Variants in THSD7B observed in about 807,000 individuals in gnomAD.
The protein encoded by THSD7B is thrombospondin type-1 domain-containing protein 7B.
THSD7B carries 138 observed loss-of-function variants against 213.6 expected under a neutral mutation model. The observed-to-expected ratio is 0.65, with a 90% CI of 0.56 to 0.74. THSD7B has a LOEUF of 0.74. Ranked by LOEUF, THSD7B falls within the 30% of genes least tolerant of loss-of-function variation. The probability of loss-of-function intolerance (pLI) is 0.00; values close to 1 mark genes in which losing one functional copy is unlikely to be tolerated. For missense variants in THSD7B, 1,931 were observed against 1,991.5 expected (o/e 0.97, Z 0.58); for synonymous variants, 742 against 687.0 (o/e 1.08, Z -1.25).
intron 2 of THSD7B, among the ~76,000 whole-genome samples, chr2:136,890,375 TC>T (rs1683806860): frequency 3.0e-4 from 1 of 3,340 alleles, no homozygotes; most frequent in African/African-American, 6.9e-4. Flanking sequence ...TTCTTCTTCT[TC>T]CTCTTCCTCT....
chr2:136,882,754 T>G (rs1683647154), intron 2 of THSD7B, among the ~76,000 whole-genome samples: 1 of 152,194 alleles, frequency 6.6e-6, no homozygotes, highest in Non-Finnish European at 1.5e-5. Flanking sequence ...TGTCTAGGTT[T>G]GAGAGCATGA....
At chr2:137,124,995 ATTT>A (rs879758282) in intron 5 of THSD7B, among the ~76,000 whole-genome samples, 3 of 152,090 alleles carry the variant, frequency 2.0e-5, no homozygotes, top group Non-Finnish European at 4.4e-5. Context: ...GACTTTAATT[ATTT>A]TTTTGACTTT....
chr2:137,198,935 T>C (rs958836067), intron 7 of THSD7B, among the ~76,000 whole-genome samples: 2 of 152,200 alleles, frequency 1.3e-5, no homozygotes, highest in African/African-American at 4.8e-5. Context: ...TTGCCAAAGA[T>C]ATTTGAGTCG....
At chr2:137,385,734 G>A (rs1448752421) in intron 12 of THSD7B, among the ~76,000 whole-genome samples, 1 of 152,172 alleles carries the variant, frequency 6.6e-6, no homozygotes, top group Non-Finnish European at 1.5e-5. Context: ...AGTGAGAAGA[G>A]AAGGAGTAAG....
intron 14 of THSD7B, among the ~76,000 whole-genome samples, chr2:137,447,236 A>C (rs1379725726): frequency 1.3e-5 from 2 of 152,112 alleles, no homozygotes; most frequent in Non-Finnish European, 2.9e-5. Flanking sequence ...CAGGCTTGCT[A>C]ATTAAAATCC....
chr2:137,583,621 T>A (rs1270304190), intron 17 of THSD7B, among the ~76,000 whole-genome samples: 1 of 152,220 alleles, frequency 6.6e-6, no homozygotes, highest in African/African-American at 2.4e-5. Flanking sequence ...TTTGTTTTTC[T>A]CAGGTTTGTC....
At chr2:137,404,568 CTA>C (rs70978216) in intron 12 of THSD7B, among the ~76,000 whole-genome samples, 2 of 144,094 alleles carry the variant, frequency 1.4e-5, no homozygotes, top group Non-Finnish European at 3.0e-5. Flanking sequence ...TATACACACA[CTA>C]TATATATACA....
intron 2 of THSD7B, among the ~76,000 whole-genome samples, chr2:136,925,547 T>C (rs1031266266): frequency 4.6e-5 from 7 of 152,214 alleles, no homozygotes; most frequent in African/African-American, 1.7e-4. Context: ...GTATAATTCT[T>C]TTAATGTGCT....
chr2:137,106,846 A>G (rs1688263013), intron 4 of THSD7B, among the ~76,000 whole-genome samples: 1 of 152,208 alleles, frequency 6.6e-6, no homozygotes, highest in Non-Finnish European at 1.5e-5. Context: ...ATGAGATACC[A>G]TCTCATACCA....
chr2:137,306,910 TAAC>T (rs1683763227), intron 12 of THSD7B, among the ~76,000 whole-genome samples: 1 of 152,156 alleles, frequency 6.6e-6, no homozygotes, highest in South Asian at 2.1e-4. Flanking sequence ...AAATAGAACA[TAAC>T]AATATTTCAG....
intron 12 of THSD7B, among the ~76,000 whole-genome samples, chr2:137,309,074 G>A (rs910793660): frequency 6.6e-6 from 1 of 151,974 alleles, no homozygotes; most frequent in African/African-American, 2.4e-5. Context: ...ATTTCCAAAC[G>A]GGCTTCTAGA....
At chr2:137,621,214 G>C (rs1682513033) in intron 20 of THSD7B, among the ~76,000 whole-genome samples, 1 of 152,294 alleles carries the variant, frequency 6.6e-6, no homozygotes, top group South Asian at 2.1e-4. Context: ...AGTTACTCTG[G>C]ATGGTGATAT....
intron 12 of THSD7B, among the ~76,000 whole-genome samples, chr2:137,373,010 C>T (rs1250326180): frequency 6.6e-6 from 1 of 151,950 alleles, no homozygotes; most frequent in African/African-American, 2.4e-5. Flanking sequence ...ATCCATGTCC[C>T]TACAAAGGAC....
At chr2:137,431,238 G>A (rs1378875512) in intron 14 of THSD7B, among the ~76,000 whole-genome samples, 1 of 152,166 alleles carries the variant, frequency 6.6e-6, no homozygotes, top group Non-Finnish European at 1.5e-5. Context: ...GGGTTTCCAG[G>A]CTATAGGTAA....
chr2:137,169,333 C>CT (rs1680197338), intron 6 of THSD7B, among the ~76,000 whole-genome samples: 1 of 145,188 alleles, frequency 6.9e-6, no homozygotes, highest in Admixed American at 6.9e-5. Context: ...CTCTCTGTAG[C>CT]TTTTTCTTGT....
chr2:137,466,264 G>A (rs533391380), intron 15 of THSD7B, among the ~76,000 whole-genome samples: 54 of 152,136 alleles, frequency 3.5e-4, no homozygotes, highest in Admixed American at 2.2e-3. Flanking sequence ...TTATTCATTC[G>A]TTCTTTCATT....
intron 14 of THSD7B, among the ~76,000 whole-genome samples, chr2:137,432,223 T>G (rs899847055): frequency 6.6e-6 from 1 of 152,038 alleles, no homozygotes; most frequent in Non-Finnish European, 1.5e-5. Flanking sequence ...AAACCCCGTT[T>G]CTACTAAAAT....
At chr2:137,436,353 A>G (rs1447702335) in intron 14 of THSD7B, among the ~76,000 whole-genome samples, 1 of 152,122 alleles carries the variant, frequency 6.6e-6, no homozygotes, top group Admixed American at 6.6e-5. Context: ...TTCTTATGTT[A>G]CAGATAAGGA....
chr2:137,364,836 A>G (rs1344570445), intron 12 of THSD7B, among the ~76,000 whole-genome samples: 2 of 152,220 alleles, frequency 1.3e-5, no homozygotes, highest in Non-Finnish European at 2.9e-5. Flanking sequence ...TATAGATTCA[A>G]TGCCATCCCC....
Sources: gnomAD v4.1 joint callset for allele counts (sites outside exome capture counted in the v4.1 genomes callset) on GRCh38, gnomAD v4.1.1 for gene constraint, MANE v1.5 for transcripts, NCBI Gene and HGNC (gene_info 2026-07-23, HGNC 2026-07-21) for gene names.